The following PCDHA10 variants were observed in gnomAD, a reference collection of about 807,000 sequenced individuals.
The protein encoded by PCDHA10 is protocadherin alpha-10.
Under a neutral mutation model 61.2 loss-of-function variants are expected in PCDHA10, and 45 were observed. That is an observed-to-expected ratio of 0.74 (90% confidence interval 0.58 to 0.94). The LOEUF is 0.94. Ranked by LOEUF, PCDHA10 falls within the 40% of genes least tolerant of loss-of-function variation. PCDHA10 has a pLI of 0.00. For synonymous variants in PCDHA10, 602 were observed against 548.8 expected (o/e 1.10, Z -1.35); for missense variants, 1,278 against 1,236.2 (o/e 1.03, Z -0.51).
rs781919488 is a variant in PCDHA10 at position 141,010,129 on chromosome 5, G to T, written c.*192G>T. 1 of 1,601,910 alleles carries T rather than the reference G, an allele frequency of 6.2e-7. No individual in the cohort carries two copies. Among genetic ancestry groups the T allele is most frequent in the East Asian group, 2.2e-5 (1 of 44,578 alleles). ...TGTCGTAAAAGCTTTACTAAGTCTGGTGTTAACTCTTTCTCTCCACTCTGG... is the reference window on the plus strand; with the variant it reads ...TGTCGTAAAAGCTTTACTAAGTCTGTTGTTAACTCTTTCTCTCCACTCTGG... On this transcript the variant is annotated 3_prime_UTR_variant, in exon 4 of 4. Transcript: ENST00000307360.
At chr5:140,869,419 C>T (rs782550413) in intron 1 of PCDHA10, 4 of 1,614,078 alleles carry the variant, frequency 2.5e-6, no homozygotes, top group Non-Finnish European at 3.4e-6. Context: ...CAGCATCCAC[C>T]TGGAGGTGAT....
At chr5:141,008,809 C>T (rs1397377778) in intron 3 of PCDHA10, among the ~76,000 whole-genome samples, 2 of 152,160 alleles carry the variant, frequency 1.3e-5, no homozygotes, top group African/African-American at 4.8e-5. Flanking sequence ...CAAATAGGCT[C>T]AATTTACAAC....
intron 3 of PCDHA10, among the ~76,000 whole-genome samples, chr5:141,006,150 G>A (rs1035867146): frequency 1.1e-4 from 16 of 151,274 alleles, no homozygotes; most frequent in Admixed American, 6.6e-5. Flanking sequence ...AAGCAGAGGA[G>A]TGATATAATC....
At chr5:140,951,822 C>T (rs926525028) in intron 1 of PCDHA10, among the ~76,000 whole-genome samples, 11 of 152,152 alleles carry the variant, frequency 7.2e-5, no homozygotes, top group African/African-American at 2.7e-4. Flanking sequence ...AAAGTCTGAA[C>T]TCATTCCAGC....
At chr5:140,870,993 A>G in intron 1 of PCDHA10, 1 of 1,613,424 alleles carries the variant, frequency 6.2e-7, no homozygotes, top group South Asian at 1.1e-5. Context: ...CGGGCGAGAT[A>G]AGCACAACGC....
At chr5:141,007,422 G>A (rs190866782) in intron 3 of PCDHA10, among the ~76,000 whole-genome samples, 22 of 143,640 alleles carry the variant, frequency 1.5e-4, no homozygotes, top group African/African-American at 4.9e-4. Context: ...AAAAAAATTA[G>A]CCAGGCATGG....
At chr5:140,896,309 A>T (rs1554186897) in intron 1 of PCDHA10, among the ~76,000 whole-genome samples, 1 of 152,184 alleles carries the variant, frequency 6.6e-6, no homozygotes. Flanking sequence ...AAATCTTCAA[A>T]CTGCTTTCCA....
chr5:140,884,820 T>C (rs1318105542), intron 1 of PCDHA10: 4 of 1,013,184 alleles, frequency 3.9e-6, no homozygotes, highest in African/African-American at 3.3e-5. Context: ...GTGGACATTA[T>C]GTGTTGGATT....
At chr5:140,927,447 G>A (rs1563092229) in intron 1 of PCDHA10, 7 of 1,613,982 alleles carry the variant, frequency 4.3e-6, no homozygotes, top group Non-Finnish European at 5.1e-6. Flanking sequence ...ACCCGGAGTT[G>A]GTGTTGGAGA....
intron 1 of PCDHA10, among the ~76,000 whole-genome samples, chr5:140,971,869 A>G (rs1277835883): frequency 1.3e-5 from 2 of 152,182 alleles, no homozygotes; most frequent in Non-Finnish European, 2.9e-5. Flanking sequence ...AACATCTAGC[A>G]TATGAGGAAA....
At chr5:140,960,743 G>A (rs1328860955) in intron 1 of PCDHA10, among the ~76,000 whole-genome samples, 3 of 151,482 alleles carry the variant, frequency 2.0e-5, no homozygotes, top group Non-Finnish European at 4.4e-5. Flanking sequence ...TTTAGTCCAT[G>A]GCTAAAATCC....
intron 1 of PCDHA10, chr5:140,926,863 G>A: frequency 1.3e-6 from 2 of 1,523,054 alleles, no homozygotes; most frequent in Non-Finnish European, 8.8e-7. Flanking sequence ...GGTGTAGCGT[G>A]TTGGTGGAAC....
chr5:140,960,482 G>GTGTA (rs1585840878), intron 1 of PCDHA10, among the ~76,000 whole-genome samples: 1 of 152,150 alleles, frequency 6.6e-6, no homozygotes, highest in Non-Finnish European at 1.5e-5. Context: ...TTACACAGAG[G>GTGTA]TGTAGGTTTG....
At position 140,870,884 on chromosome 5, in the gene PCDHA10, G is replaced by T. The variant is rs376620715; in HGVS notation, c.2388+12448G>T. On this transcript the variant is annotated intron_variant, in intron 1 of 3. Coordinates refer to ENST00000307360, the MANE Select transcript of PCDHA10 (RefSeq NM_018901.4). ...GCGGGCCACGTGGTGGCGAAGGTGC[G>T]CGCAGTGGATGCGGACTCAGGCTAC... is the stretch of plus-strand genomic sequence containing the variant. The T allele has an allele frequency of 9.3e-6, 15 of 1,613,948 alleles. No individual in the cohort carries two copies. In the African/African-American group the frequency reaches 1.7e-4, roughly 19 times the overall value.
rs2043738417 is a variant in PCDHA10, at chr5:140,856,038, A to G, written c.-11A>G. 1.3e-6 allele frequency: 2 copies of G among 1,568,894 alleles called. No individual in the cohort carries two copies. Among genetic ancestry groups the G allele is most frequent in the Non-Finnish European group, 1.7e-6 (2 of 1,151,254 alleles). ...CTGATTCGTCGATTTGTAAAACAAGAGAAGGATAAGATGGTTTCCAGATGT... is the reference window on the plus strand; with the variant it reads ...CTGATTCGTCGATTTGTAAAACAAGGGAAGGATAAGATGGTTTCCAGATGT... On this transcript the variant is annotated 5_prime_UTR_variant, in exon 1 of 4. Transcript: ENST00000307360.
chr5:140,927,071 G>A lies in PCDHA10; in HGVS notation c.2389-51878G>A. 3 of 1,611,088 alleles carry A rather than the reference G, an allele frequency of 1.9e-6. No homozygotes were observed. The highest frequency in any genetic ancestry group is 2.5e-6 in the Non-Finnish European group (3 of 1,177,862). On this transcript the variant is annotated intron_variant, in intron 1 of 3. Transcript: ENST00000307360. ...TCGCGGAACTTTCGCTTCCTTTCCAGCCACCGCGAGCTCTACTTCGGGGTG... is the reference window on the plus strand; with the variant it reads ...TCGCGGAACTTTCGCTTCCTTTCCAACCACCGCGAGCTCTACTTCGGGGTG...
At chr5:140,865,781 A>T (rs1213634186) in intron 1 of PCDHA10, 5 of 152,208 alleles carry the variant, frequency 3.3e-5, no homozygotes, top group Non-Finnish European at 5.9e-5. Flanking sequence ...TCAAATGTGT[A>T]TCTTTCAGGC....
intron 1 of PCDHA10, chr5:140,884,546 T>C (rs1554181711): frequency 6.2e-7 from 1 of 1,614,082 alleles, no homozygotes; most frequent in Non-Finnish European, 8.5e-7. Flanking sequence ...GAGGGTGTGC[T>C]CTGGGGAGGG....
chr5:140,927,155 G>A (rs2083907874), intron 1 of PCDHA10: 1 of 1,614,076 alleles, frequency 6.2e-7, no homozygotes, highest in Non-Finnish European at 8.5e-7. Flanking sequence ...CAGCTGTGCA[G>A]GGCCAAAGCT....
Sources: allele counts gnomAD v4.1 joint callset (sites outside exome capture counted in the v4.1 genomes callset), GRCh38; gene constraint gnomAD v4.1.1; transcripts MANE v1.5; gene names NCBI Gene and HGNC (gene_info 2026-07-23, HGNC 2026-07-21).